The following PLD3 variants were observed in gnomAD, a reference collection of about 807,000 sequenced individuals.
PLD3 encodes the protein 5'-3' exonuclease PLD3.
Under a neutral mutation model 58.4 loss-of-function variants are expected in PLD3, and 31 were observed. That is an observed-to-expected ratio of 0.53 (90% CI 0.40 to 0.72). The LOEUF is 0.72. Among genes scored for constraint, PLD3 ranks in the 30% least tolerant of loss-of-function variants. The probability of loss-of-function intolerance (pLI) is 0.00; values close to 1 mark genes in which losing one functional copy is unlikely to be tolerated. For missense variants in PLD3, 595 were observed against 659.8 expected, an observed-to-expected ratio of 0.90 and a Z score of 1.08; for synonymous variants, 264 against 273.4, an observed-to-expected ratio of 0.97 and a Z score of 0.34.
chr19:40,369,752 TTTTAATA>T (rs1314238095), intron 6 of PLD3, 149 bp from the exon 7 acceptor site: 1 of 666,008 alleles, frequency 1.5e-6, no homozygotes, highest in Non-Finnish European at 2.4e-6. Flanking sequence ...TAAGGAAGTC[TTTTAATA>T]TTTTAATCTG....
chr19:40,359,501 C>G (rs370475329), intron 1 of PLD3: 1 of 152,172 alleles, frequency 6.6e-6, no homozygotes, highest in East Asian at 1.9e-4. Context: ...TCCGGCTGCC[C>G]GTGCCCACCT....
rs1388500215 is a variant in PLD3 at position 40,376,721 on chromosome 19, C to G, written c.1132C>G (p.Leu378Val). The change falls in exon 11 of 13, where the codon CTG becomes GTG. Residue 378 changes from leucine to valine, a missense_variant. Coordinates refer to ENST00000409735, the MANE Select transcript of PLD3 (RefSeq NM_012268.4). The part of the protein sequence containing the change: ...GHSEPSMRAF[L>V]LSLAALRDNH... The stretch of plus-strand genomic sequence containing the variant: ...CTCGGAGCCATCCATGCGGGCCTTC[C>G]TGCTCTCTCTGGCTGCCCTGCGTGA... The G allele has an allele frequency of 2.5e-6, 4 of 1,602,478 alleles. No homozygotes were observed. The highest frequency in any genetic ancestry group is 3.4e-6 in the Non-Finnish European group (4 of 1,179,956).
intron 1 of PLD3, among the ~76,000 whole-genome samples, chr19:40,349,851 G>C (rs935401709): frequency 7.3e-5 from 11 of 151,614 alleles, no homozygotes; most frequent in Non-Finnish European, 1.6e-4. Context: ...CCAGCTACTC[G>C]GGAGGCTGAG....
chr19:40,374,543 G>A lies in PLD3; in HGVS notation c.942G>A (p.Val314=). The A allele has an allele frequency of 6.2e-7, 1 of 1,614,178 alleles. No individual in the cohort carries two copies. The highest frequency in any genetic ancestry group is 8.5e-7 in the Non-Finnish European group (1 of 1,180,032). ...CAGACCTGAAGGCTCTACTCAACGTGGTGGACAATGCCCGGAGTTTCATCT... is the reference window on the plus strand; with the variant it reads ...CAGACCTGAAGGCTCTACTCAACGTAGTGGACAATGCCCGGAGTTTCATCT... ...RTPDLKALLN[V]VDNARSFIYV... Residue 314 remains valine (V), a synonymous_variant, in exon 10 of 13, where the codon GTG becomes GTA. Coordinates refer to ENST00000409735, the MANE Select transcript of PLD3 (RefSeq NM_012268.4).
Position 40,378,148 on chromosome 19 carries a change from T to C in PLD3, c.1448T>C (p.Val483Ala), listed in dbSNP as rs767099667. Residue 483 changes from valine to alanine, a missense_variant, in exon 13 of 13, where the codon GTG becomes GCG. Transcript: ENST00000409735. ...GACCTTGACACCTCAGCTGACAGCG[T>C]GGGCAACGCCTGCCGCCTGCTCTGA... ...SHDLDTSADS[V>A]GNACRLL 4 of 1,611,956 alleles carry C rather than the reference T, an allele frequency of 2.5e-6. No homozygotes were observed. The highest frequency in any genetic ancestry group is 2.2e-5 in the East Asian group (1 of 44,862).
Position 40,371,761 on chromosome 19 carries a change from A to G in PLD3, c.767A>G (p.Gln256Arg). 1 of 1,613,998 alleles carries G rather than the reference A, an allele frequency of 6.2e-7. No individual in the cohort carries two copies. The highest frequency in any genetic ancestry group is 8.5e-7 in the Non-Finnish European group (1 of 1,179,908). Residue 256 changes from glutamine to arginine, a missense_variant, in exon 9 of 13, where the codon CAG (glutamine) becomes CGG (arginine). By Grantham distance (43) the Gln-to-Arg change is conservative (BLOSUM62 1). Transcript: ENST00000409735. ...TTTGAGGCCTACTGGTTCCTGGGCC[A>G]GGCAGGCAGCTCCATCCCATCAACT... The part of the protein sequence containing the change: ...KIFEAYWFLG[Q>R]AGSSIPSTWP...
intron 1 of PLD3, 60 bp from the exon 2 acceptor site, chr19:40,365,658 C>T (rs1378056714): frequency 6.6e-6 from 1 of 152,234 alleles, no homozygotes; most frequent in Non-Finnish European, 1.5e-5. Context: ...CACGGGGACT[C>T]TAGGGTGGAA....
rs776522289 is a variant in PLD3 at position 40,377,822 on chromosome 19, C to T, written c.1222C>T (p.Arg408Ter). The T allele has an allele frequency of 6.2e-7, 1 of 1,613,960 alleles. No homozygotes were observed. Among genetic ancestry groups the T allele is most frequent in the Non-Finnish European group, 8.5e-7 (1 of 1,179,892 alleles). ...GGTCCCCGCGGATGAGGCCCAGGCT[C>T]GAATCCCATATGCCCGTGTCAACCA... ...FVVPADEAQA[R>*]IPYARVNHNK... is the part of the protein sequence containing the mutation. Residue 408 changes from arginine (R) to a stop codon, truncating the protein, a stop_gained, in exon 12 of 13, where the codon CGA (arginine) becomes TGA (stop). Transcript: ENST00000409735. LOFTEE classifies it high-confidence loss of function.
In PLD3 at chr19:40,366,897, C is replaced by T; in HGVS notation, c.227C>T (p.Pro76Leu). 6.2e-7 allele frequency: 1 copy of T among 1,605,322 alleles called. No homozygotes were observed. Among genetic ancestry groups the T allele is most frequent in the Non-Finnish European group, 8.5e-7 (1 of 1,175,456 alleles). ...HLFGPNQRPA[P>L]CYDPCEAVLV... ...TTTGGGCCCAACCAGCGCCCAGCCC[C>T]CTGCTATGACCCTTGCGAGTAAGTG... is the stretch of plus-strand genomic sequence containing the variant. The change falls in exon 5 of 13, where the codon CCC becomes CTC. Residue 76 changes from proline to leucine, a missense_variant. Physicochemically the swap from Pro to Leu is moderately conservative, Grantham distance 98 (BLOSUM62 -3). Transcript: ENST00000409735.
chr19:40,361,420 A>G (rs1472581166), intron 1 of PLD3, among the ~76,000 whole-genome samples: 1 of 152,054 alleles, frequency 6.6e-6, no homozygotes, highest in Non-Finnish European at 1.5e-5. Flanking sequence ...GGAGATCCCC[A>G]TCTCTTAAAA....
chr19:40,377,562 G>A (rs2079265103), intron 11 of PLD3, among the ~76,000 whole-genome samples: 1 of 152,006 alleles, frequency 6.6e-6, no homozygotes, highest in Non-Finnish European at 1.5e-5. Flanking sequence ...ATGAACAGGA[G>A]CCATTCTGCC....
At chr19:40,367,204 A>G (rs918135457) in intron 5 of PLD3, 13 of 397,598 alleles carry the variant, frequency 3.3e-5, no homozygotes, top group African/African-American at 2.7e-4. Flanking sequence ...ACCTCTAGAC[A>G]GACACGCAGA....
chr19:40,349,403 C>T (rs1005235786), intron 1 of PLD3, among the ~76,000 whole-genome samples: 2 of 152,102 alleles, frequency 1.3e-5, no homozygotes, highest in Admixed American at 1.3e-4. Context: ...TTCTTCCCTC[C>T]GTGTCTTCGT....
intron 8 of PLD3, 129 bp downstream of exon 8, chr19:40,370,366 C>A (rs2079037811): frequency 3.7e-6 from 4 of 1,067,660 alleles, no homozygotes; most frequent in Non-Finnish European, 5.4e-6. Context: ...TTCCTTCTTG[C>A]CTCCTACCAG....
rs1371420867 is a variant in PLD3 at position 40,371,673 on chromosome 19, G to A, written c.679G>A (p.Val227Ile). The change falls in exon 9 of 13, where the codon GTC becomes ATC. Residue 227 changes from valine (V) to isoleucine (I), a missense_variant and splice_region_variant. Val to Ile is a conservative substitution (Grantham distance 29). Coordinates refer to ENST00000409735, the MANE Select transcript of PLD3 (RefSeq NM_012268.4). ...ANMDWRSLTQ[V>I]KELGVVMYNC... Reference sequence around the variant, plus strand: ...TGAGCTCAGCACTGCCCTCCTACAGGTCAAGGAGCTGGGCGTGGTCATGTA... The same window carrying A: ...TGAGCTCAGCACTGCCCTCCTACAGATCAAGGAGCTGGGCGTGGTCATGTA... The A allele has an allele frequency of 1.2e-6, 2 of 1,611,682 alleles. No homozygotes were observed. The highest frequency in any genetic ancestry group is 2.2e-5 in the East Asian group (1 of 44,854).
chr19:40,353,571 T>G (rs867164381), intron 1 of PLD3, among the ~76,000 whole-genome samples: 31 of 151,998 alleles, frequency 2.0e-4, no homozygotes, highest in African/African-American at 6.0e-4. Flanking sequence ...ATTTTTCTTT[T>G]CTTTTCTTTT....
chr19:40,352,501 C>CT (rs936711731), intron 1 of PLD3, among the ~76,000 whole-genome samples: 5 of 151,152 alleles, frequency 3.3e-5, no homozygotes, highest in South Asian at 2.1e-4. Context: ...TTTCCTCTCT[C>CT]TTTTTTTTTA....
chr19:40,371,766 G>A lies in PLD3; in HGVS notation c.772G>A (p.Gly258Ser). 1 of 1,614,024 alleles carries A rather than the reference G, an allele frequency of 6.2e-7. No homozygotes were observed. Among genetic ancestry groups the A allele is most frequent in the South Asian group, 1.1e-5 (1 of 91,082 alleles). ...GGCCTACTGGTTCCTGGGCCAGGCA[G>A]GCAGCTCCATCCCATCAACTTGGCC... is the stretch of plus-strand genomic sequence containing the variant. ...FEAYWFLGQA[G>S]SSIPSTWPRF... is the part of the protein sequence containing the mutation. The change falls in exon 9 of 13, where the codon GGC becomes AGC. Residue 258 changes from glycine (G) to serine (S), a missense_variant. Transcript: ENST00000409735.
intron 1 of PLD3, among the ~76,000 whole-genome samples, chr19:40,361,720 C>T (rs1378720292): frequency 6.6e-6 from 1 of 151,980 alleles, no homozygotes; most frequent in South Asian, 2.1e-4. Flanking sequence ...CTCAGTGAGG[C>T]CTTTTCTGAC....
Sources: gnomAD v4.1 joint callset for allele counts (sites outside exome capture counted in the v4.1 genomes callset) on GRCh38, gnomAD v4.1.1 for gene constraint, MANE v1.5 for transcripts, NCBI Gene and HGNC (gene_info 2026-07-23, HGNC 2026-07-21) for gene names.